The following CDK13 variants were observed in gnomAD, a reference collection of about 807,000 sequenced individuals.
The protein encoded by CDK13 is cyclin dependent kinase 13, also known as cyclin-dependent kinase 13.
Under a neutral mutation model 137.6 loss-of-function variants are expected in CDK13, and 40 were observed. The ratio of observed to expected loss-of-function variants is 0.29; its 90% CI spans 0.23 to 0.38. The LOEUF (loss-of-function observed/expected upper bound fraction) is 0.38, where lower values mean the gene tolerates loss of function less well. Ranked by LOEUF, CDK13 falls within the 10% of genes least tolerant of loss-of-function variation. CDK13 has a pLI of 1.00. For synonymous variants in CDK13, 869 were observed against 760.1 expected (o/e 1.14, Z -2.36); for missense variants, 1,704 against 1,951.8 (o/e 0.87, Z 2.39).
At chr7:39,971,419 A>G (rs1783995649) in intron 1 of CDK13, among the ~76,000 whole-genome samples, 1 of 152,130 alleles carries the variant, frequency 6.6e-6, no homozygotes, top group East Asian at 1.9e-4. Context: ...CGGAAGGCTG[A>G]AGTAGGAGAA....
At chr7:39,997,737 C>A in intron 3 of CDK13, 73 bp downstream of exon 3, 2 of 1,100,592 alleles carry the variant, frequency 1.8e-6, no homozygotes, top group Non-Finnish European at 2.7e-6. Context: ...TCATAAAACA[C>A]TAAATTAAGG....
Position 40,099,420 on chromosome 7 carries a change from CAGTTA to C in CDK13, c.*4442_*4446del, listed in dbSNP as rs1262526410. On this transcript the variant is annotated 3_prime_UTR_variant, in exon 14 of 14. Transcript: ENST00000181839. ...AGAATCACTCTTCTAAGTTTTTTCC[CAGTTA>C]ATTTGTTTAAAAGTGTTGTACTCTC... The C allele has an allele frequency of 6.6e-6, 1 of 152,088 alleles. No homozygotes were observed. Among genetic ancestry groups the C allele is most frequent in the African/African-American group, 2.4e-5 (1 of 41,430 alleles). The allele number at this position is 152,088 out of a possible 1,614,324, so 9.4% of individuals were successfully genotyped here. A position where few individuals can be genotyped will look rare whatever the true frequency, so the allele number is the denominator to read the frequency against.
Position 40,099,571 on chromosome 7 carries a change from AAC to A in CDK13, c.*4594_*4595del. 6.6e-6 allele frequency: 1 copy of A among 152,286 alleles called. No homozygotes were observed. Among genetic ancestry groups the A allele is most frequent in the Non-Finnish European group, 1.5e-5 (1 of 68,028 alleles). 9.4% of individuals were successfully genotyped at this position (152,286 alleles called of 1,614,324 possible). ...CAATAGTCTGTAAATAAATTGCCGT[AAC>A]ACTCCCAGGCCATTTTTCAGCCTTG... On this transcript the variant is annotated 3_prime_UTR_variant, in exon 14 of 14. Coordinates refer to ENST00000181839, the MANE Select transcript of CDK13 (RefSeq NM_003718.5).
chr7:40,090,468 C>T (rs17496733), intron 12 of CDK13, among the ~76,000 whole-genome samples: 12,995 of 152,290 alleles, frequency 0.085, 977 homozygotes, highest in East Asian at 0.33. Context: ...ATTCTCCTGC[C>T]TCAGACTCCA....
chr7:40,022,679 A>G (rs1175916543), intron 5 of CDK13, among the ~76,000 whole-genome samples: 24 of 150,976 alleles, frequency 1.6e-4, no homozygotes, highest in Admixed American at 4.0e-4. Context: ...CTCTGTCCCA[A>G]TTGAACCAGG....
chr7:39,960,380 C>T (rs1177474179), intron 1 of CDK13, among the ~76,000 whole-genome samples: 6 of 151,670 alleles, frequency 4.0e-5, no homozygotes, highest in African/African-American at 1.2e-4. Flanking sequence ...CTCAGCCTCG[C>T]GAGTAGCTGG....
intron 12 of CDK13, among the ~76,000 whole-genome samples, chr7:40,091,072 A>T (rs931792372): frequency 3.3e-5 from 5 of 151,942 alleles, no homozygotes; most frequent in African/African-American, 1.2e-4. Flanking sequence ...CTGGCCGGGC[A>T]TGGTGGCTCA....
chr7:39,951,566 G>A lies in CDK13; in HGVS notation c.925G>A (p.Ala309Thr), dbSNP rs777438512. The change falls in exon 1 of 14, where the codon GCC becomes ACC. Residue 309 changes from alanine (A) to threonine (T), a missense_variant. By Grantham distance (58) the Ala-to-Thr change is moderately conservative. Around this residue, in one of 5 missense-constraint regions of CDK13, gnomAD observed 1,051 missense variants for 931.0 expected, o/e 1.13. Coordinates refer to ENST00000181839, the MANE Select transcript of CDK13 (RefSeq NM_003718.5). ...CCGGGAGGACAAGACCGAGCCTAAG[G>A]CCTACAGGCGGCGGCGGTCCCTCAG... ...AYREDKTEPK[A>T]YRRRRSLSPL... 9 of 1,524,030 alleles carry A rather than the reference G, an allele frequency of 5.9e-6. No homozygotes were observed. The South Asian group carries it at 6.2e-5, about 10-fold the overall frequency. The allele number at this position is 1,524,030 out of a possible 1,614,324, so 94.4% of individuals were successfully genotyped here.
intron 5 of CDK13, among the ~76,000 whole-genome samples, chr7:40,030,293 A>AG: frequency 6.6e-6 from 1 of 151,114 alleles, no homozygotes; most frequent in African/African-American, 2.5e-5. Flanking sequence ...AGAGAGAGAG[A>AG]AAGTCATTCA....
rs150957134 is a variant in CDK13 at position 40,094,199 on chromosome 7, G to A, written c.3758G>A (p.Arg1253Gln). The A allele has an allele frequency of 5.4e-5, 87 of 1,613,874 alleles. No homozygotes were observed. The highest frequency in any genetic ancestry group is 1.6e-4 in the Middle Eastern group (1 of 6,062). Residue 1253 changes from arginine to glutamine, a missense_variant, in exon 14 of 14, where the codon CGA (arginine) becomes CAA (glutamine). Arg to Gln is a conservative substitution (Grantham distance 43). Transcript: ENST00000181839. ...LELTPEPDRP[R>Q]ILPPDQRPPE... is the part of the protein sequence containing the mutation. ...CTAACGCCAGAACCAGACCGGCCTC[G>A]AATTCTGCCTCCTGACCAACGACCT...
chr7:40,075,729 C>A (rs752303121), intron 9 of CDK13, among the ~76,000 whole-genome samples: 13 of 152,120 alleles, frequency 8.5e-5, no homozygotes, highest in Non-Finnish European at 1.5e-4. Context: ...GTATTGTGGA[C>A]TGGGTGCAGC....
chr7:40,010,588 G>A (rs376852033), intron 5 of CDK13, among the ~76,000 whole-genome samples: 1 of 152,208 alleles, frequency 6.6e-6, no homozygotes, highest in Non-Finnish European at 1.5e-5. Context: ...GGATGCATAG[G>A]CAGATTTCAC....
chr7:40,026,953 G>A (rs922062855), intron 5 of CDK13, among the ~76,000 whole-genome samples: 3 of 152,100 alleles, frequency 2.0e-5, no homozygotes, highest in South Asian at 2.1e-4. Context: ...GAGATGATTC[G>A]CACCTTTCTG....
At chr7:40,063,701 A>G (rs1786207448) in intron 9 of CDK13, among the ~76,000 whole-genome samples, 1 of 151,912 alleles carries the variant, frequency 6.6e-6, no homozygotes, top group African/African-American at 2.4e-5. Flanking sequence ...TCTGTCACCT[A>G]GGCTGGAGTG....
chr7:39,998,866 A>G (rs1268201788), intron 3 of CDK13: 1 of 150,870 alleles, frequency 6.6e-6, no homozygotes, highest in Non-Finnish European at 1.5e-5. Context: ...TTTTTTTTTG[A>G]TGTTTTTCAG....
chr7:39,955,223 T>C (rs1406040012), intron 1 of CDK13, among the ~76,000 whole-genome samples: 3 of 152,150 alleles, frequency 2.0e-5, no homozygotes, highest in African/African-American at 7.2e-5. Context: ...CAGGCATTGA[T>C]AAATATTTAA....
intron 12 of CDK13, among the ~76,000 whole-genome samples, chr7:40,091,883 G>T (rs888046115): frequency 6.6e-6 from 1 of 152,094 alleles, no homozygotes; most frequent in African/African-American, 2.4e-5. Flanking sequence ...GCTTATCATT[G>T]CAGTCTTATA....
At chr7:39,970,150 A>G (rs2116182843) in intron 1 of CDK13, among the ~76,000 whole-genome samples, 1 of 151,726 alleles carries the variant, frequency 6.6e-6, no homozygotes, top group East Asian at 1.9e-4. Flanking sequence ...GATTATAGGC[A>G]TGTGCCATCA....
chr7:40,074,522 CAA>C (rs34228836), intron 9 of CDK13, among the ~76,000 whole-genome samples: 80 of 78,052 alleles, frequency 1.0e-3, no homozygotes, highest in Middle Eastern at 8.1e-3. Context: ...GACACCATCT[CAA>C]AAAAAAAAAA....
Sources: allele counts gnomAD v4.1 joint callset (sites outside exome capture counted in the v4.1 genomes callset), GRCh38; gene constraint gnomAD v4.1.1; regional missense constraint gnomAD v4.1.1; transcripts MANE v1.5; gene names NCBI Gene and HGNC (gene_info 2026-07-23, HGNC 2026-07-21).